PRUNE2: variants seen among roughly 807,000 people sequenced by gnomAD.
PRUNE2 encodes the protein protein prune homolog 2.
Under a neutral mutation model 252.0 loss-of-function variants are expected in PRUNE2, and 164 were observed. The ratio of observed to expected loss-of-function variants is 0.65; its 90% CI spans 0.57 to 0.74. The LOEUF (loss-of-function observed/expected upper bound fraction) is 0.74, where lower values mean the gene tolerates loss of function less well. Among genes scored for constraint, PRUNE2 ranks in the 30% least tolerant of loss-of-function variants. The probability of loss-of-function intolerance (pLI) is 0.00; values close to 1 mark genes in which losing one functional copy is unlikely to be tolerated. For missense variants in PRUNE2, 3,495 were observed against 3,711.0 expected (o/e 0.94, Z 1.51); for synonymous variants, 1,292 against 1,350.2 (o/e 0.96, Z 0.94).
intron 9 of PRUNE2, among the ~76,000 whole-genome samples, chr9:76,681,723 C>T (rs577071413): frequency 1.3e-5 from 2 of 152,292 alleles, no homozygotes; most frequent in African/African-American, 2.4e-5. Context: ...TCTTCAACCG[C>T]TCCCACAAGG....
chr9:76,823,417 A>G (rs970208121), intron 6 of PRUNE2: 1 of 516,746 alleles, frequency 1.9e-6, no homozygotes, highest in African/African-American at 1.9e-5. Context: ...TGAATGAAAG[A>G]GCATTCATCT....
intron 6 of PRUNE2, among the ~76,000 whole-genome samples, chr9:76,765,088 T>A (rs2052192536): frequency 6.6e-6 from 1 of 152,190 alleles, no homozygotes; most frequent in Non-Finnish European, 1.5e-5. Flanking sequence ...CGTTTTGAGT[T>A]CAGTAGCAGA....
intron 11 of PRUNE2, 85 bp from the exon 12 acceptor site, chr9:76,644,994 A>G: frequency 8.2e-7 from 1 of 1,221,534 alleles, no homozygotes; most frequent in Non-Finnish European, 1.1e-6. Context: ...GCTTTACAAT[A>G]CAGTACTCCT....
intron 4 of PRUNE2, among the ~76,000 whole-genome samples, chr9:76,829,165 A>C (rs1244595520): frequency 6.6e-6 from 1 of 152,130 alleles, no homozygotes; most frequent in Non-Finnish European, 1.5e-5. Flanking sequence ...AAATCTGTGA[A>C]AGTATCACAG....
chr9:76,839,120 T>C (rs930201588), intron 4 of PRUNE2, among the ~76,000 whole-genome samples: 1 of 152,146 alleles, frequency 6.6e-6, no homozygotes, highest in Non-Finnish European at 1.5e-5. Context: ...ATTAAGAATG[T>C]TAGAAGGATG....
chr9:76,714,166 T>C (rs1217232368), intron 6 of PRUNE2, among the ~76,000 whole-genome samples: 1 of 152,148 alleles, frequency 6.6e-6, no homozygotes, highest in African/African-American at 2.4e-5. Context: ...CAAGGAGAAA[T>C]TCCTACGAAT....
chr9:76,769,757 G>A (rs532212769), intron 6 of PRUNE2, among the ~76,000 whole-genome samples: 2 of 152,158 alleles, frequency 1.3e-5, no homozygotes, highest in Non-Finnish European at 2.9e-5. Context: ...ATTTCTGTAG[G>A]AGAGCTTATC....
At chr9:76,854,629 CAG>C (rs761152322) in intron 1 of PRUNE2, among the ~76,000 whole-genome samples, 74 of 152,160 alleles carry the variant, frequency 4.9e-4, no homozygotes, top group Middle Eastern at 3.4e-3. Flanking sequence ...CAAACAGACA[CAG>C]AGTTTGGTAA....
chr9:76,749,945 A>G (rs575198360), intron 6 of PRUNE2, among the ~76,000 whole-genome samples: 3 of 152,140 alleles, frequency 2.0e-5, no homozygotes, highest in African/African-American at 7.2e-5. Flanking sequence ...CAGTATTCCT[A>G]CATCCCTTAG....
At chr9:76,719,894 A>C (rs2047480039) in intron 6 of PRUNE2, among the ~76,000 whole-genome samples, 1 of 152,066 alleles carries the variant, frequency 6.6e-6, no homozygotes, top group Admixed American at 6.5e-5. Flanking sequence ...TGATCCTCCC[A>C]CCTTGGCCTC....
At chr9:76,789,526 G>C (rs2055350941) in intron 6 of PRUNE2, among the ~76,000 whole-genome samples, 1 of 152,096 alleles carries the variant, frequency 6.6e-6, no homozygotes, top group African/African-American at 2.4e-5. Context: ...AATAGCACTT[G>C]GTGGATCAGC....
At chr9:76,880,424 C>T (rs2061710898) in intron 1 of PRUNE2, among the ~76,000 whole-genome samples, 1 of 152,094 alleles carries the variant, frequency 6.6e-6, no homozygotes, top group Admixed American at 6.5e-5. Flanking sequence ...GACATTTGTA[C>T]TGATGGCTTT....
intron 1 of PRUNE2, among the ~76,000 whole-genome samples, chr9:76,884,886 T>C (rs149581379): frequency 8.5e-5 from 13 of 152,328 alleles, no homozygotes; most frequent in Non-Finnish European, 1.6e-4. Context: ...AGCCCACCTC[T>C]CATTATTCCC....
intron 12 of PRUNE2, among the ~76,000 whole-genome samples, chr9:76,640,399 G>T (rs573843533): frequency 6.6e-6 from 1 of 152,284 alleles, no homozygotes; most frequent in Admixed American, 6.5e-5. Context: ...GGGTTTGTGT[G>T]TATTACTAAT....
intron 4 of PRUNE2, among the ~76,000 whole-genome samples, chr9:76,830,232 A>G (rs1398028506): frequency 6.6e-6 from 1 of 152,258 alleles, no homozygotes; most frequent in African/African-American, 2.4e-5. Flanking sequence ...GAAATGGAGC[A>G]AAGTCTAACA....
chr9:76,755,772 G>C (rs978734154), intron 6 of PRUNE2, among the ~76,000 whole-genome samples: 1 of 152,050 alleles, frequency 6.6e-6, no homozygotes, highest in Non-Finnish European at 1.5e-5. Flanking sequence ...ACGCAATCTC[G>C]GCTCACTGCA....
At chr9:76,811,454 A>G (rs1031623050) in intron 6 of PRUNE2, among the ~76,000 whole-genome samples, 1 of 152,190 alleles carries the variant, frequency 6.6e-6, no homozygotes, top group African/African-American at 2.4e-5. Flanking sequence ...AAAGTCTACC[A>G]ATGACTTTTC....
intron 7 of PRUNE2, among the ~76,000 whole-genome samples, chr9:76,712,015 A>C (rs509489): frequency 6.6e-6 from 1 of 151,940 alleles, no homozygotes; most frequent in African/African-American, 2.4e-5. Context: ...CTGATTTTTA[A>C]GGAATGTCAG....
rs868110829 is a variant in PRUNE2 at position 76,704,797 on chromosome 9, C to G, written c.7477G>C (p.Asp2493His). Residue 2493 changes from aspartate to histidine, a missense_variant, in exon 8 of 19, where the codon GAT becomes CAT. Asp to His is a moderately conservative substitution (Grantham distance 81). Coordinates refer to ENST00000376718, the MANE Select transcript of PRUNE2 (RefSeq NM_015225.3). ...CCTATGTCTCCACCTGCTGGTAAATCAGAATTATCTGTTTCTACTTCCCAG... is the reference window on the plus strand; with the variant it reads ...CCTATGTCTCCACCTGCTGGTAAATGAGAATTATCTGTTTCTACTTCCCAG... ...VDWEVETDNSDLPAGGDIGPP... is the reference protein window; with the variant it reads ...VDWEVETDNSHLPAGGDIGPP... 7 of 1,574,286 alleles carry G rather than the reference C, an allele frequency of 4.4e-6. No individual in the cohort carries two copies. Among genetic ancestry groups the G allele is most frequent in the Non-Finnish European group, 6.0e-6 (7 of 1,158,242 alleles).
Sources: gnomAD v4.1 joint callset for allele counts (sites outside exome capture counted in the v4.1 genomes callset) on GRCh38, gnomAD v4.1.1 for gene constraint, MANE v1.5 for transcripts, NCBI Gene and HGNC (gene_info 2026-07-23, HGNC 2026-07-21) for gene names.